ANKS1B: variants seen among roughly 807,000 people sequenced by gnomAD.
ANKS1B encodes the protein ankyrin repeat and sterile alpha motif domain containing 1B.
ANKS1B carries 36 observed loss-of-function variants against 148.3 expected under a neutral mutation model. That is an observed-to-expected ratio of 0.24 (90% CI 0.19 to 0.32). The LOEUF (loss-of-function observed/expected upper bound fraction) is 0.32. Ranked by LOEUF, ANKS1B falls within the 10% of genes least tolerant of loss-of-function variation. ANKS1B has a pLI of 1.00. For synonymous variants in ANKS1B, 542 were observed against 560.8 expected, an observed-to-expected ratio of 0.97 and a Z score of 0.47; for missense variants, 1,157 against 1,542.6, an observed-to-expected ratio of 0.75 and a Z score of 4.19.
At chr12:99,611,460 C>A (rs761978575) in intron 9 of ANKS1B, among the ~76,000 whole-genome samples, 7 of 152,066 alleles carry the variant, frequency 4.6e-5, no homozygotes, top group Non-Finnish European at 7.4e-5. Flanking sequence ...TTGAGCATAT[C>A]CAAAGCTTAT....
At chr12:99,756,319 C>T (rs2061560798) in intron 8 of ANKS1B, among the ~76,000 whole-genome samples, 1 of 151,958 alleles carries the variant, frequency 6.6e-6, no homozygotes, top group African/African-American at 2.4e-5. Flanking sequence ...AAATCAGGAA[C>T]ATACTCCCAT....
At chr12:98,802,160 T>C (rs1394542529) in intron 20 of ANKS1B, among the ~76,000 whole-genome samples, 1 of 152,220 alleles carries the variant, frequency 6.6e-6, no homozygotes, top group East Asian at 1.9e-4. Flanking sequence ...TTTGGCTATA[T>C]ATAGAACTAT....
At chr12:98,916,064 G>A (rs2099793951) in intron 17 of ANKS1B, among the ~76,000 whole-genome samples, 1 of 152,178 alleles carries the variant, frequency 6.6e-6, no homozygotes, top group Non-Finnish European at 1.5e-5. Context: ...GTTGTGGCCA[G>A]ACAATTATTG....
At chr12:99,614,277 A>G (rs2097927364) in intron 9 of ANKS1B, among the ~76,000 whole-genome samples, 1 of 151,922 alleles carries the variant, frequency 6.6e-6, no homozygotes, top group Non-Finnish European at 1.5e-5. Flanking sequence ...TCTACCAAAA[A>G]TACAAAAATT....
intron 10 of ANKS1B, among the ~76,000 whole-genome samples, chr12:99,501,262 T>G (rs2096652907): frequency 1.3e-5 from 2 of 152,142 alleles, no homozygotes; most frequent in African/African-American, 4.8e-5. Flanking sequence ...TTGTTTTTGT[T>G]GGTTCCTGTT....
At chr12:99,461,393 C>T (rs2095965823) in intron 10 of ANKS1B, among the ~76,000 whole-genome samples, 1 of 151,544 alleles carries the variant, frequency 6.6e-6, no homozygotes, top group Non-Finnish European at 1.5e-5. Context: ...ATTCATGTAA[C>T]CAAATACGAA....
intron 14 of ANKS1B, among the ~76,000 whole-genome samples, chr12:99,199,631 A>G (rs973696644): frequency 1.1e-4 from 16 of 152,162 alleles, no homozygotes; most frequent in Admixed American, 3.9e-4. Flanking sequence ...GCCCTTAGAA[A>G]ATGAGAAAGA....
At chr12:99,342,097 A>G (rs2090006520) in intron 12 of ANKS1B, among the ~76,000 whole-genome samples, 1 of 152,070 alleles carries the variant, frequency 6.6e-6, no homozygotes, top group African/African-American at 2.4e-5. Flanking sequence ...ATGGTGGTGA[A>G]TAAAACGCGC....
In ANKS1B at chr12:99,127,900, A is replaced by G. The variant is rs138299080; in HGVS notation, c.2526+26389T>C. The stretch of plus-strand genomic sequence containing the variant: ...TTTTTGCTGAGACAAGGATGAACAC[A>G]ATTTATTTTGAAAAGATACATAAAA... On this transcript the variant is annotated intron_variant, in intron 15 of 26. Coordinates refer to ENST00000683438, the MANE Select transcript of ANKS1B (RefSeq NM_001352186.2). Among the ~76,000 whole-genome samples the G allele has an allele frequency of 5.1e-3, 783 of 152,348 alleles. 9 individuals are homozygous for G. Among genetic ancestry groups the G allele is most frequent in the African/African-American group, 0.018 (740 of 41,572 alleles).
chr12:99,448,379 T>C (rs2095670803), intron 10 of ANKS1B, among the ~76,000 whole-genome samples: 1 of 152,120 alleles, frequency 6.6e-6, no homozygotes, highest in Non-Finnish European at 1.5e-5. Context: ...CACTTATATA[T>C]GAAATCTAAA....
chr12:99,664,482 T>C (rs2153457936), intron 8 of ANKS1B, among the ~76,000 whole-genome samples: 1 of 152,180 alleles, frequency 6.6e-6, no homozygotes, highest in Non-Finnish European at 1.5e-5. Context: ...TAGATGTATG[T>C]AGAATCCTCC....
intron 1 of ANKS1B, among the ~76,000 whole-genome samples, chr12:99,917,773 AGAAT>A (rs2094216384): frequency 6.6e-6 from 1 of 152,216 alleles, no homozygotes; most frequent in East Asian, 1.9e-4. Flanking sequence ...GCTCAGCTTT[AGAAT>A]AACTGTCTAA....
At chr12:99,071,203 C>T (rs2046163631) in intron 16 of ANKS1B, among the ~76,000 whole-genome samples, 1 of 152,236 alleles carries the variant, frequency 6.6e-6, no homozygotes. Context: ...AAGGCAGATA[C>T]TGTGTAATTT....
At chr12:99,908,009 A>G (rs955367059) in intron 1 of ANKS1B, among the ~76,000 whole-genome samples, 1 of 152,148 alleles carries the variant, frequency 6.6e-6, no homozygotes, top group Non-Finnish European at 1.5e-5. Flanking sequence ...TTGAAGCTCA[A>G]ATTAAGAAGA....
intron 9 of ANKS1B, among the ~76,000 whole-genome samples, chr12:99,582,026 T>C (rs911213167): frequency 2.6e-5 from 4 of 151,996 alleles, no homozygotes; most frequent in Non-Finnish European, 5.9e-5. Context: ...TAAGACTAAC[T>C]GGTTTTTGTT....
intron 17 of ANKS1B, among the ~76,000 whole-genome samples, chr12:98,980,481 C>CA (rs2099908134): frequency 6.6e-6 from 1 of 152,246 alleles, no homozygotes; most frequent in African/African-American, 2.4e-5. Flanking sequence ...GCTGGGATTA[C>CA]AGGTGTGAGC....
intron 14 of ANKS1B, among the ~76,000 whole-genome samples, chr12:99,203,953 T>C (rs971912518): frequency 6.6e-6 from 1 of 152,224 alleles, no homozygotes; most frequent in African/African-American, 2.4e-5. Flanking sequence ...AAAAGGGAAC[T>C]GGAACAGGAG....
At chr12:99,268,814 C>T (rs1290580215) in intron 12 of ANKS1B, among the ~76,000 whole-genome samples, 1 of 152,162 alleles carries the variant, frequency 6.6e-6, no homozygotes. Context: ...CATGGACTCA[C>T]TGATGATAAA....
At chr12:99,437,382 G>A (rs2095478623) in intron 11 of ANKS1B, among the ~76,000 whole-genome samples, 1 of 151,978 alleles carries the variant, frequency 6.6e-6, no homozygotes, top group African/African-American at 2.4e-5. Context: ...TCAGATGATA[G>A]TACAGAATTT....
Sources: allele counts gnomAD v4.1 joint callset (sites outside exome capture counted in the v4.1 genomes callset), GRCh38; gene constraint gnomAD v4.1.1; transcripts MANE v1.5; gene names NCBI Gene and HGNC (gene_info 2026-07-23, HGNC 2026-07-21).